The following MAML3 variants were observed in gnomAD, a reference collection of about 807,000 sequenced individuals.
MAML3 encodes mastermind-like protein 3.
Under a neutral mutation model 101.9 loss-of-function variants are expected in MAML3, and 27 were observed. That is an observed-to-expected ratio of 0.27 (90% CI 0.20 to 0.37). The LOEUF is 0.37. MAML3 is among the 10% of genes least tolerant of loss of function. MAML3 has a pLI of 1.00. For synonymous variants in MAML3, 501 were observed against 555.9 expected (o/e 0.90, Z 1.39); for missense variants, 1,316 against 1,444.9 (o/e 0.91, Z 1.45).
intron 3 of MAML3, among the ~76,000 whole-genome samples, chr4:139,728,709 G>T (rs1047264962): frequency 6.6e-6 from 1 of 152,154 alleles, no homozygotes; most frequent in Non-Finnish European, 1.5e-5. Flanking sequence ...CCATGCTCTG[G>T]ATTCTGAGGG....
At chr4:140,074,948 A>G (rs1020884831) in intron 1 of MAML3, among the ~76,000 whole-genome samples, 1 of 152,238 alleles carries the variant, frequency 6.6e-6, no homozygotes, top group Non-Finnish European at 1.5e-5. Context: ...ATTGGGTCCC[A>G]GTCCCAAGAT....
chr4:140,070,690 C>G (rs948072407), intron 1 of MAML3, among the ~76,000 whole-genome samples: 1 of 152,246 alleles, frequency 6.6e-6, no homozygotes, highest in African/African-American at 2.4e-5. Flanking sequence ...AGCCTCAACA[C>G]TCAGTGGACA....
chr4:140,139,988 G>C (rs1728953947), intron 1 of MAML3, among the ~76,000 whole-genome samples: 1 of 152,206 alleles, frequency 6.6e-6, no homozygotes, highest in Non-Finnish European at 1.5e-5. Flanking sequence ...AAAGTTGTAG[G>C]TTGAAATTTT....
rs1729055796 is a variant in MAML3 at position 140,145,909 on chromosome 4, T to C, written c.468+6951A>G. On this transcript the variant is annotated intron_variant, in intron 1 of 4. Coordinates refer to ENST00000509479, the MANE Select transcript of MAML3 (RefSeq NM_018717.5). ...TTTTTTTGAGAAGGATTTTTACTCT[T>C]GTTGCCCAGGCTGGAGTGCAATGGC... 5.5e-5 allele frequency among the ~76,000 whole-genome samples: 8 copies of C among 145,134 alleles called. No individual in the cohort carries two copies. The South Asian group carries it at 1.8e-3, about 32-fold the overall frequency.
intron 1 of MAML3, among the ~76,000 whole-genome samples, chr4:140,086,201 G>A (rs1346526854): frequency 2.0e-5 from 3 of 152,136 alleles, no homozygotes; most frequent in Admixed American, 6.5e-5. Context: ...GCTCTAAGGC[G>A]GGAATAGCTG....
intron 2 of MAML3, among the ~76,000 whole-genome samples, chr4:139,793,449 T>C (rs887531022): frequency 5.9e-5 from 9 of 152,092 alleles, no homozygotes; most frequent in Non-Finnish European, 1.0e-4. Flanking sequence ...ACATGACCCA[T>C]TGGCCAAGTG....
At chr4:139,774,925 C>A (rs932013) in intron 2 of MAML3, among the ~76,000 whole-genome samples, 8 of 152,128 alleles carry the variant, frequency 5.3e-5, no homozygotes, top group African/African-American at 9.7e-5. Context: ...CCGATGATCT[C>A]TCTTTTGGTG....
intron 1 of MAML3, among the ~76,000 whole-genome samples, chr4:140,143,834 A>C (rs972489576): frequency 2.0e-5 from 3 of 152,194 alleles, no homozygotes; most frequent in African/African-American, 7.2e-5. Flanking sequence ...CCAGAACATC[A>C]TACCACGTGG....
At chr4:140,080,598 C>T (rs1323080070) in intron 1 of MAML3, among the ~76,000 whole-genome samples, 2 of 152,098 alleles carry the variant, frequency 1.3e-5, no homozygotes, top group East Asian at 3.9e-4. Flanking sequence ...AGGAAGTTTG[C>T]AGAGCACCTC....
chr4:139,808,890 C>T (rs1258696034), intron 2 of MAML3, among the ~76,000 whole-genome samples: 1 of 152,122 alleles, frequency 6.6e-6, no homozygotes, highest in Non-Finnish European at 1.5e-5. Context: ...GGTGAATGTA[C>T]ACATGTGTGA....
chr4:140,072,399 G>A (rs1250511144), intron 1 of MAML3, among the ~76,000 whole-genome samples: 1 of 152,136 alleles, frequency 6.6e-6, no homozygotes, highest in African/African-American at 2.4e-5. Flanking sequence ...GGCCAGGCGT[G>A]GTGGCTCATG....
intron 3 of MAML3, among the ~76,000 whole-genome samples, chr4:139,728,488 A>G (rs1353180699): frequency 1.3e-5 from 2 of 152,236 alleles, no homozygotes; most frequent in East Asian, 1.9e-4. Context: ...GGGCTGGGAA[A>G]TTATTAAAAC....
intron 1 of MAML3, among the ~76,000 whole-genome samples, chr4:140,151,699 G>T (rs981688810): frequency 6.6e-6 from 1 of 151,790 alleles, no homozygotes; most frequent in South Asian, 2.1e-4. Flanking sequence ...GCGGGGGGGG[G>T]GGGCACACAC....
intron 1 of MAML3, among the ~76,000 whole-genome samples, chr4:139,976,349 T>C (rs1288247123): frequency 1.3e-5 from 2 of 152,216 alleles, no homozygotes; most frequent in East Asian, 3.8e-4. Flanking sequence ...CTTGGTGTAA[T>C]AAGCATCTTG....
intron 2 of MAML3, among the ~76,000 whole-genome samples, chr4:139,829,645 C>T (rs1416352229): frequency 1.3e-5 from 2 of 152,204 alleles, no homozygotes; most frequent in African/African-American, 2.4e-5. Context: ...ACAAATCTTA[C>T]CAGTTCAGGA....
intron 1 of MAML3, among the ~76,000 whole-genome samples, chr4:139,933,562 T>G (rs962996862): frequency 6.6e-6 from 1 of 152,222 alleles, no homozygotes; most frequent in Non-Finnish European, 1.5e-5. Context: ...CACAAAAAGG[T>G]CTTTTTCTGG....
chr4:139,939,244 A>C (rs1733557569), intron 1 of MAML3, among the ~76,000 whole-genome samples: 1 of 152,190 alleles, frequency 6.6e-6, no homozygotes, highest in Admixed American at 6.5e-5. Flanking sequence ...TTATTGCAAA[A>C]ACCTTTTAAT....
rs1399708676 is a variant in MAML3 at position 139,730,576 on chromosome 4, G to A, written c.2171C>T (p.Pro724Leu). The stretch of plus-strand genomic sequence containing the variant: ...GCTGCCCAGGAAGCCGGGGCCTGCG[G>A]GACTGGCTCCTGAGACCATGCCACC... The part of the protein sequence containing the change: ...GSGGMVSGAS[P>L]AGPGFLGSQP... The change falls in exon 3 of 5, where the codon CCC becomes CTC. Residue 724 changes from proline (P) to leucine (L), a missense_variant. Transcript: ENST00000509479. The A allele has an allele frequency of 1.3e-5, 21 of 1,605,620 alleles. No homozygotes were observed. The highest frequency in any genetic ancestry group is 1.8e-5 in the Non-Finnish European group (21 of 1,176,618).
chr4:140,127,139 CG>C (rs1728697661), intron 1 of MAML3, among the ~76,000 whole-genome samples: 1 of 152,232 alleles, frequency 6.6e-6, no homozygotes, highest in Non-Finnish European at 1.5e-5. Context: ...AGGCCCTCCA[CG>C]TCCTAATGCC....
Sources: gnomAD v4.1 joint callset for allele counts (sites outside exome capture counted in the v4.1 genomes callset) on GRCh38, gnomAD v4.1.1 for gene constraint, MANE v1.5 for transcripts, NCBI Gene and HGNC (gene_info 2026-07-23, HGNC 2026-07-21) for gene names.